Variants in NCS1 observed in about 807,000 individuals in gnomAD.
The protein encoded by NCS1 is neuronal calcium sensor 1, also known as frequenin homolog.
A neutral mutation model predicts 28.4 loss-of-function variants in NCS1; 6 were observed. The observed-to-expected ratio is 0.21, with a 90% CI of 0.12 to 0.42. The LOEUF is 0.42. NCS1 is among the 10% of genes least tolerant of loss of function. The pLI, the probability that NCS1 is intolerant of heterozygous loss-of-function variation, is 1.00. For synonymous variants in NCS1, 86 were observed against 99.3 expected, an observed-to-expected ratio of 0.87 and a Z score of 0.79; for missense variants, 131 against 241.4, an observed-to-expected ratio of 0.54 and a Z score of 3.03.
chr9:130,222,582 G>A (rs1833347096), intron 4 of NCS1, 68 bp from the exon 5 acceptor site: 1 of 1,332,074 alleles, frequency 7.5e-7, no homozygotes, highest in Admixed American at 1.7e-5. Flanking sequence ...ACAGAGAGGA[G>A]GGGCGAGTTG....
At chr9:130,212,468 C>T (rs1193513237) in intron 2 of NCS1, among the ~76,000 whole-genome samples, 5 of 149,366 alleles carry the variant, frequency 3.3e-5, no homozygotes, top group African/African-American at 1.2e-4. Flanking sequence ...CCCCGAACGT[C>T]AGGAGTGCCG....
rs1297483987 is a variant in NCS1 at position 130,224,349 on chromosome 9, G to A, written c.474+1190G>A. Among the ~76,000 whole-genome samples the A allele has an allele frequency of 1.4e-4, 19 of 139,262 alleles. 1 individual carries two copies. The South Asian group carries it at 1.9e-3, about 14-fold the overall frequency. 91.4% of individuals were successfully genotyped at this position (139,262 alleles called of 152,430 possible). A position where few individuals can be genotyped will look rare whatever the true frequency, so the allele number is the denominator to read the frequency against. ...AGCAGTTGCAGTGAGTGGAGATCGC[G>A]CCATTGCACTCCAGCCTGGGCAACA... On this transcript the variant is annotated intron_variant, in intron 6 of 7. Coordinates refer to ENST00000372398, the MANE Select transcript of NCS1 (RefSeq NM_014286.4).
chr9:130,221,409 TATATAG>T (rs1369826209), intron 4 of NCS1, among the ~76,000 whole-genome samples: 28 of 46,090 alleles, frequency 6.1e-4, no homozygotes, highest in South Asian at 1.4e-3. Context: ...TATATATATA[TATATAG>T]AGAGAGAGAG....
At position 130,226,023 on chromosome 9, in the gene NCS1, G is replaced by T. The variant is rs1420562814; in HGVS notation, c.475-366G>T. Among the ~76,000 whole-genome samples, 4 of 152,188 alleles carry T rather than the reference G, an allele frequency of 2.6e-5. No individual in the cohort carries two copies. The highest frequency in any genetic ancestry group is 5.9e-5 in the Non-Finnish European group (4 of 68,044). On this transcript the variant is annotated intron_variant, in intron 6 of 7. Coordinates refer to ENST00000372398, the MANE Select transcript of NCS1 (RefSeq NM_014286.4). This position sits in a 1 kb window ranked among gnomAD's most constrained non-coding sequence, Gnocchi z 4.8. ...GAGTGACCCCAGAGAACTGCACGAG[G>T]CTCTCAGCCTTGTCAGTTACTCACA...
chr9:130,220,172 C>T (rs1833256260), intron 4 of NCS1, among the ~76,000 whole-genome samples: 1 of 152,186 alleles, frequency 6.6e-6, no homozygotes, highest in African/African-American at 2.4e-5. Flanking sequence ...ACTTGGGCCG[C>T]AGGAGGGTCG....
intron 5 of NCS1, 29 bp downstream of exon 5, chr9:130,222,767 G>A: frequency 6.2e-7 from 1 of 1,605,506 alleles, no homozygotes; most frequent in Non-Finnish European, 8.5e-7. Context: ...TGTGGTTAGG[G>A]GTGGCAGGAG....
At chr9:130,198,903 C>A (rs955099656) in intron 1 of NCS1, among the ~76,000 whole-genome samples, 1 of 152,182 alleles carries the variant, frequency 6.6e-6, no homozygotes, top group East Asian at 1.9e-4. Context: ...GCCATCACAG[C>A]TGCCATCACA....
intron 1 of NCS1, among the ~76,000 whole-genome samples, chr9:130,198,500 G>A (rs1554907093): frequency 6.6e-6 from 1 of 152,170 alleles, no homozygotes; most frequent in African/African-American, 2.4e-5. Flanking sequence ...GTATCCAATT[G>A]GGCCTCCATC....
intron 1 of NCS1, among the ~76,000 whole-genome samples, chr9:130,185,147 T>C (rs1832722309): frequency 6.6e-6 from 1 of 152,182 alleles, no homozygotes; most frequent in African/African-American, 2.4e-5. Context: ...GGGGATGTCC[T>C]TGGGCCCGGC....
intron 7 of NCS1, among the ~76,000 whole-genome samples, chr9:130,228,086 A>G (rs111886160): frequency 2.0e-5 from 3 of 152,216 alleles, no homozygotes; most frequent in Non-Finnish European, 4.4e-5. Context: ...GGCTTCCCTC[A>G]GAGCTTTCCA....
chr9:130,223,096 G>A lies in NCS1; in HGVS notation c.411G>A (p.Glu137=). 1 of 1,613,562 alleles carries A rather than the reference G, an allele frequency of 6.2e-7. No individual in the cohort carries two copies. Among genetic ancestry groups the A allele is most frequent in the Non-Finnish European group, 8.5e-7 (1 of 1,179,762 alleles). The stretch of plus-strand genomic sequence containing the variant: ...CGTCCCTGCAGGGGAATACCGTGGA[G>A]CTCCCAGAGGAGGAGAACACTCCTG... ...AIYQMVGNTV[E]LPEEENTPEK... is the part of the protein sequence containing the mutation. The change falls in exon 6 of 8, where the codon GAG becomes GAA. Residue 137 remains glutamate, a synonymous_variant. Transcript: ENST00000372398.
In NCS1 at chr9:130,200,702, CGGCAGT is replaced by C. The variant is rs1244011393; in HGVS notation, c.65-244_65-239del. ...GCGTTCCTGGGGGCTCTCCCAGCAG[CGGCAGT>C]GGCAGTGGCAGGTAGCACTTGGGCA... On this transcript the variant is annotated intron_variant, in intron 1 of 7. Transcript: ENST00000372398. The C allele has an allele frequency of 1.5e-5, 23 of 1,536,534 alleles. No individual in the cohort carries two copies. The Admixed American group carries it at 1.8e-4, about 12-fold the overall frequency.
rs914960013 is a variant in NCS1, at chr9:130,235,302, C to T, written c.*2330C>T. ...TCTCAGCTGGGCTCTGACCTGGGGT[C>T]TGGGGCAGGGAACGAACATGGTGGC... On this transcript the variant is annotated 3_prime_UTR_variant, in exon 8 of 8. Coordinates refer to ENST00000372398, the MANE Select transcript of NCS1 (RefSeq NM_014286.4). 7.9e-5 allele frequency: 12 copies of T among 152,394 alleles called. No individual in the cohort carries two copies. The highest frequency in any genetic ancestry group is 2.7e-4 in the African/African-American group (11 of 41,448). The allele number at this position is 152,394 out of a possible 1,614,324, so 9.4% of individuals were successfully genotyped here.
At chr9:130,203,385 G>A (rs923835845) in intron 2 of NCS1, among the ~76,000 whole-genome samples, 1 of 152,164 alleles carries the variant, frequency 6.6e-6, no homozygotes, top group Non-Finnish European at 1.5e-5. Context: ...GATTACAGGC[G>A]TAAGCCACCG....
intron 5 of NCS1, 72 bp from the exon 6 acceptor site, chr9:130,223,010 G>A: frequency 7.5e-7 from 1 of 1,334,402 alleles, no homozygotes; most frequent in East Asian, 2.3e-5. Flanking sequence ...CCAGGTCTGG[G>A]GGGCAAATGC....
rs1564711694 is a variant in NCS1, at chr9:130,215,317, CG to C, written c.90-2510del. ...GAGAAGGCAGGTTTAAGGGCCAGGACGGGGGTGGCTGTGTCCCTTCCTCCTG... is the reference window on the plus strand; with the variant it reads ...GAGAAGGCAGGTTTAAGGGCCAGGACGGGGTGGCTGTGTCCCTTCCTCCTG... On this transcript the variant is annotated intron_variant, in intron 2 of 7. Transcript: ENST00000372398. This position sits in a 1 kb window ranked among gnomAD's most constrained non-coding sequence, Gnocchi z 4.2. 6.6e-6 allele frequency among the ~76,000 whole-genome samples: 1 copy of C among 152,100 alleles called. No individual in the cohort carries two copies. Among genetic ancestry groups the C allele is most frequent in the African/African-American group, 2.4e-5 (1 of 41,416 alleles).
Position 130,215,206 on chromosome 9 carries a change from T to G in NCS1, c.90-2626T>G, listed in dbSNP as rs61472453. Among the ~76,000 whole-genome samples, 125 of 152,250 alleles carry G rather than the reference T, an allele frequency of 8.2e-4. 1 individual carries two copies. Among genetic ancestry groups the G allele is most frequent in the African/African-American group, 2.9e-3 (122 of 41,558 alleles). On this transcript the variant is annotated intron_variant, in intron 2 of 7. Transcript: ENST00000372398. This position sits in a 1 kb window ranked among gnomAD's most constrained non-coding sequence, Gnocchi z 4.2. Reference sequence around the variant, plus strand: ...CATTAAGTCCTGGTGCCAGGCATGTTCCCTCCTCTGCCCAGGGGCCCATCC... The same window carrying G: ...CATTAAGTCCTGGTGCCAGGCATGTGCCCTCCTCTGCCCAGGGGCCCATCC...
intron 2 of NCS1, among the ~76,000 whole-genome samples, chr9:130,206,469 C>T (rs1833025715): frequency 6.7e-6 from 1 of 149,426 alleles, no homozygotes; most frequent in Non-Finnish European, 1.5e-5. Flanking sequence ...AGTGCAGTGG[C>T]ACGATCTCAA....
At chr9:130,194,977 C>T (rs1554906659) in intron 1 of NCS1, among the ~76,000 whole-genome samples, 1 of 152,198 alleles carries the variant, frequency 6.6e-6, no homozygotes, top group Non-Finnish European at 1.5e-5. Flanking sequence ...CTGAGCCAGG[C>T]TCTGAGGGTG....
Sources: gnomAD v4.1 joint callset for allele counts (sites outside exome capture counted in the v4.1 genomes callset) on GRCh38, gnomAD v4.1.1 for gene constraint, Gnocchi (gnomAD v3.1) non-coding constraint, MANE v1.5 for transcripts, NCBI Gene and HGNC (gene_info 2026-07-23, HGNC 2026-07-21) for gene names.